Variants in SNX29 observed in about 807,000 individuals in gnomAD.
SNX29 encodes the protein sorting nexin 29, also known as sorting nexin-29.
In SNX29, 78 loss-of-function variants were observed where a neutral mutation model predicts 102.1. The observed-to-expected ratio is 0.76, with a 90% CI of 0.64 to 0.92. SNX29 has a LOEUF of 0.92. Ranked by LOEUF, SNX29 falls within the 40% of genes least tolerant of loss-of-function variation. SNX29 has a pLI of 0.00. For missense variants in SNX29, 1,280 were observed against 1,061.7 expected, an observed-to-expected ratio of 1.21 and a Z score of -2.86; for synonymous variants, 580 against 414.5, an observed-to-expected ratio of 1.40 and a Z score of -4.85.
chr16:12,130,374 C>G (rs2054408599), intron 13 of SNX29, among the ~76,000 whole-genome samples: 3 of 144,602 alleles, frequency 2.1e-5, no homozygotes, highest in African/African-American at 7.8e-5. Context: ...ACGCGGGAGG[C>G]TGAGGCAGGA....
Position 12,326,745 on chromosome 16 carries a change from A to C in SNX29, c.1783-29418A>C, listed in dbSNP as rs575121036. 2.7e-5 allele frequency among the ~76,000 whole-genome samples: 3 copies of C among 110,562 alleles called. No homozygotes were observed. In the East Asian group the frequency reaches 8.3e-4, roughly 31 times the overall value. 72.5% of individuals were successfully genotyped at this position (110,562 alleles called of 152,430 possible). A position where few individuals can be genotyped will look rare whatever the true frequency, so the allele number is the denominator to read the frequency against. On this transcript the variant is annotated intron_variant, in intron 15 of 20. Transcript: ENST00000566228. The stretch of plus-strand genomic sequence containing the variant: ...TTTCTCTGTGCTGTTGTTTTCTTGG[A>C]GTACAGTGGATATTATACTAGCTTG...
At chr16:12,555,972 C>G (rs1385774496) in intron 20 of SNX29, among the ~76,000 whole-genome samples, 4 of 148,704 alleles carry the variant, frequency 2.7e-5, no homozygotes, top group Admixed American at 1.4e-4. Context: ...ATCTGCGTGG[C>G]TTTCAATTTT....
At chr16:12,094,205 T>G (rs762308733) in intron 11 of SNX29, among the ~76,000 whole-genome samples, 2 of 152,174 alleles carry the variant, frequency 1.3e-5, no homozygotes, top group African/African-American at 2.4e-5. Context: ...ACTCAGAAGA[T>G]ACACTATGTA....
intron 13 of SNX29, among the ~76,000 whole-genome samples, chr16:12,153,670 G>A (rs1184145445): frequency 6.7e-6 from 1 of 150,302 alleles, no homozygotes; most frequent in Non-Finnish European, 1.5e-5. Flanking sequence ...TAGAGATGGG[G>A]TTTCAGGATG....
chr16:12,118,363 C>T (rs2053828362), intron 11 of SNX29, among the ~76,000 whole-genome samples: 1 of 125,806 alleles, frequency 7.9e-6, no homozygotes, highest in African/African-American at 3.1e-5. Context: ...CTCTGTCACC[C>T]AGGCTGGAGT....
intron 15 of SNX29, among the ~76,000 whole-genome samples, chr16:12,331,877 A>G (rs11865868): frequency 4.6e-5 from 7 of 151,956 alleles, no homozygotes; most frequent in Non-Finnish European, 7.4e-5. Context: ...GAATTAAACA[A>G]TTTGGCCAAG....
intron 20 of SNX29, among the ~76,000 whole-genome samples, chr16:12,543,015 G>A (rs1365727292): frequency 6.6e-6 from 1 of 152,176 alleles, no homozygotes; most frequent in African/African-American, 2.4e-5. Context: ...GCTAGCTTCA[G>A]GAATGGCTGG....
chr16:12,027,545 G>A (rs2057228427), intron 4 of SNX29, 101 bp downstream of exon 4: 4 of 1,444,590 alleles, frequency 2.8e-6, no homozygotes, highest in East Asian at 4.8e-5. Flanking sequence ...GATCGCGTGG[G>A]ACTTGGTGGG....
intron 18 of SNX29, among the ~76,000 whole-genome samples, chr16:12,461,025 T>C (rs113793499): frequency 4.5e-4 from 68 of 152,338 alleles, no homozygotes; most frequent in African/African-American, 1.6e-3. Context: ...TTAAGCAAAG[T>C]AGTTGATTTT....
At chr16:12,046,908 C>T (rs1304463367) in intron 6 of SNX29, among the ~76,000 whole-genome samples, 4 of 152,218 alleles carry the variant, frequency 2.6e-5, no homozygotes, top group African/African-American at 7.2e-5. Flanking sequence ...TGTGAGCCAC[C>T]GTGCCCGACC....
intron 13 of SNX29, among the ~76,000 whole-genome samples, chr16:12,134,963 T>G (rs1597011237): frequency 6.6e-6 from 1 of 152,050 alleles, no homozygotes; most frequent in African/African-American, 2.4e-5. Context: ...AAGCTCATGG[T>G]GTAGTTCAAA....
intron 15 of SNX29, among the ~76,000 whole-genome samples, chr16:12,287,950 A>G (rs537602972): frequency 6.6e-6 from 1 of 152,288 alleles, no homozygotes; most frequent in African/African-American, 2.4e-5. Context: ...TAGGTTTTTC[A>G]TGGCATTTTA....
intron 20 of SNX29, among the ~76,000 whole-genome samples, chr16:12,553,054 G>A (rs937761482): frequency 1.3e-5 from 2 of 152,228 alleles, no homozygotes; most frequent in Admixed American, 1.3e-4. Context: ...AATTGGAGAT[G>A]GTAACTGCAA....
chr16:12,484,242 C>T (rs766026254), intron 19 of SNX29, among the ~76,000 whole-genome samples: 7 of 152,096 alleles, frequency 4.6e-5, no homozygotes, highest in African/African-American at 9.7e-5. Flanking sequence ...TCGAACTCCC[C>T]GGCTCCAGCC....
At chr16:12,480,665 C>G (rs2087863579) in intron 19 of SNX29, among the ~76,000 whole-genome samples, 1 of 152,198 alleles carries the variant, frequency 6.6e-6, no homozygotes. Flanking sequence ...CAACTCCCTT[C>G]CCACCTCCTG....
intron 13 of SNX29, among the ~76,000 whole-genome samples, chr16:12,160,928 C>T (rs2055758272): frequency 1.3e-5 from 2 of 152,296 alleles, no homozygotes; most frequent in African/African-American, 4.8e-5. Flanking sequence ...CACTTCTGGC[C>T]TTGTGCCGGG....
At chr16:12,194,739 G>A (rs1445922593) in intron 13 of SNX29, among the ~76,000 whole-genome samples, 1 of 149,728 alleles carries the variant, frequency 6.7e-6, no homozygotes, top group African/African-American at 2.5e-5. Context: ...CAATTCTTGT[G>A]TCTCAGCCTC....
chr16:12,184,306 A>G (rs1258461672), intron 13 of SNX29, among the ~76,000 whole-genome samples: 1 of 152,172 alleles, frequency 6.6e-6, no homozygotes, highest in Non-Finnish European at 1.5e-5. Context: ...CAAGGTTTGT[A>G]TGTTAGCTTC....
intron 14 of SNX29, among the ~76,000 whole-genome samples, chr16:12,216,856 T>C (rs2077338998): frequency 6.6e-6 from 1 of 152,204 alleles, no homozygotes; most frequent in Non-Finnish European, 1.5e-5. Flanking sequence ...AGTTCACTTG[T>C]CTTCTCTTCT....
Sources: allele counts gnomAD v4.1 joint callset (sites outside exome capture counted in the v4.1 genomes callset), GRCh38; gene constraint gnomAD v4.1.1; transcripts MANE v1.5; gene names NCBI Gene and HGNC (gene_info 2026-07-23, HGNC 2026-07-21).